Variants in TNF observed in about 807,000 individuals in gnomAD.
The protein encoded by TNF is tumor necrosis factor.
Under a neutral mutation model 21.8 loss-of-function variants are expected in TNF, and 7 were observed. The ratio of observed to expected loss-of-function variants is 0.32; its 90% CI spans 0.18 to 0.60. The LOEUF (loss-of-function observed/expected upper bound fraction) is 0.60, where lower values mean the gene tolerates loss of function less well. Ranked by LOEUF, TNF falls within the 20% of genes least tolerant of loss-of-function variation. The probability of loss-of-function intolerance (pLI) is 0.84; values close to 1 mark genes in which losing one functional copy is unlikely to be tolerated. For missense variants in TNF, 216 were observed against 296.6 expected, an observed-to-expected ratio of 0.73 and a Z score of 2.00; for synonymous variants, 123 against 130.2, an observed-to-expected ratio of 0.94 and a Z score of 0.38.
At position 31,577,567 on chromosome 6, in the gene TNF, C is replaced by A; in HGVS notation, c.*30C>A. The stretch of plus-strand genomic sequence containing the variant: ...GACGAACATCCAACCTTCCCAAACG[C>A]CTCCCCTGCCCCAATCCCTTTATTA... On this transcript the variant is annotated 3_prime_UTR_variant, in exon 4 of 4. Coordinates refer to ENST00000449264, the MANE Select transcript of TNF (RefSeq NM_000594.4). The surrounding 1 kb of genome is among the most constrained non-coding windows in gnomAD (Gnocchi z 7.7). 6.2e-7 allele frequency: 1 copy of A among 1,612,460 alleles called. No individual in the cohort carries two copies. The highest frequency in any genetic ancestry group is 8.5e-7 in the Non-Finnish European group (1 of 1,179,612).
chr6:31,575,758 T>A lies in TNF; in HGVS notation c.17T>A (p.Met6Lys), dbSNP rs2150388461. Residue 6 changes from methionine (M) to lysine (K), a missense_variant, in exon 1 of 4, where the codon ATG (methionine) becomes AAG (lysine). Transcript: ENST00000449264. This position sits in a 1 kb window ranked among gnomAD's most constrained non-coding sequence, Gnocchi z 6.2. Reference sequence around the variant, plus strand: ...AAGGACACCATGAGCACTGAAAGCATGATCCGGGACGTGGAGCTGGCCGAG... The same window carrying A: ...AAGGACACCATGAGCACTGAAAGCAAGATCCGGGACGTGGAGCTGGCCGAG... MSTESMIRDVELAEEA... is the reference protein window; with the variant it reads MSTESKIRDVELAEEA... The A allele has an allele frequency of 6.3e-7, 1 of 1,598,938 alleles. No individual in the cohort carries two copies. Among genetic ancestry groups the A allele is most frequent in the Non-Finnish European group, 8.5e-7 (1 of 1,172,720 alleles).
intron 3 of TNF, 150 bp from the exon 4 acceptor site, chr6:31,576,966 A>G: frequency 1.5e-6 from 2 of 1,340,000 alleles, no homozygotes; most frequent in Non-Finnish European, 2.1e-6. Context: ...TTAGTGGGAT[A>G]CTCAGAACGT....
At position 31,575,999 on chromosome 6, in the gene TNF, T is replaced by C; in HGVS notation, c.186+72T>C. ...TGGAGACGCAAGAGAGGGAGAGAGATGGGATGGGTGAAAGATGTGCGCTGA... is the reference window on the plus strand; with the variant it reads ...TGGAGACGCAAGAGAGGGAGAGAGACGGGATGGGTGAAAGATGTGCGCTGA... On this transcript the variant is annotated intron_variant, in intron 1 of 3. Transcript: ENST00000449264. The surrounding 1 kb of genome is among the most constrained non-coding windows in gnomAD (Gnocchi z 6.2). 1.4e-6 allele frequency: 2 copies of C among 1,384,752 alleles called. No homozygotes were observed. Among genetic ancestry groups the C allele is most frequent in the Non-Finnish European group, 1.9e-6 (2 of 1,054,214 alleles). 85.8% of individuals were successfully genotyped at this position (1,384,752 alleles called of 1,614,324 possible). A position where few individuals can be genotyped will look rare whatever the true frequency, so the allele number is the denominator to read the frequency against.
rs557263022 is a variant in TNF at position 31,577,566 on chromosome 6, G to C, written c.*29G>C. On this transcript the variant is annotated 3_prime_UTR_variant, in exon 4 of 4. Transcript: ENST00000449264. This position sits in a 1 kb window ranked among gnomAD's most constrained non-coding sequence, Gnocchi z 7.7. Reference sequence around the variant, plus strand: ...GGACGAACATCCAACCTTCCCAAACGCCTCCCCTGCCCCAATCCCTTTATT... The same window carrying C: ...GGACGAACATCCAACCTTCCCAAACCCCTCCCCTGCCCCAATCCCTTTATT... 1 of 1,612,322 alleles carries C rather than the reference G, an allele frequency of 6.2e-7. No individual in the cohort carries two copies. The highest frequency in any genetic ancestry group is 1.7e-5 in the Admixed American group (1 of 59,970).
At chr6:31,576,506 T>C (rs756466639) in intron 1 of TNF, 28 bp from the exon 2 acceptor site, 12 of 1,610,674 alleles carry the variant, frequency 7.5e-6, no homozygotes, top group Non-Finnish European at 9.3e-6. Context: ...ACTCCCTCGA[T>C]GTTAACCATT....
In TNF at chr6:31,575,719, C is replaced by T. The variant is rs1159990647; in HGVS notation, c.-23C>T. Reference sequence around the variant, plus strand: ...TCACATACTGACCCACGGCTCCACCCTCTCTCCCCTGGAAAGGACACCATG... The same window carrying T: ...TCACATACTGACCCACGGCTCCACCTTCTCTCCCCTGGAAAGGACACCATG... On this transcript the variant is annotated 5_prime_UTR_variant, in exon 1 of 4. Transcript: ENST00000449264. This position sits in a 1 kb window ranked among gnomAD's most constrained non-coding sequence, Gnocchi z 6.2. 6.5e-7 allele frequency: 1 copy of T among 1,538,412 alleles called. No homozygotes were observed. Among genetic ancestry groups the T allele is most frequent in the Admixed American group, 2.0e-5 (1 of 49,660 alleles).
Position 31,577,568 on chromosome 6 carries a change from C to T in TNF, c.*31C>T. On this transcript the variant is annotated 3_prime_UTR_variant, in exon 4 of 4. Coordinates refer to ENST00000449264, the MANE Select transcript of TNF (RefSeq NM_000594.4). The surrounding 1 kb of genome is among the most constrained non-coding windows in gnomAD (Gnocchi z 7.7). ...ACGAACATCCAACCTTCCCAAACGCCTCCCCTGCCCCAATCCCTTTATTAC... is the reference window on the plus strand; with the variant it reads ...ACGAACATCCAACCTTCCCAAACGCTTCCCCTGCCCCAATCCCTTTATTAC... The T allele has an allele frequency of 6.2e-7, 1 of 1,612,482 alleles. No individual in the cohort carries two copies. Among genetic ancestry groups the T allele is most frequent in the Non-Finnish European group, 8.5e-7 (1 of 1,179,644 alleles).
rs999084577 is a variant in TNF, at chr6:31,575,673, G to T, written c.-69G>T. The T allele has an allele frequency of 4.2e-6, 6 of 1,417,560 alleles. No individual in the cohort carries two copies. The Admixed American group carries it at 7.4e-5, about 17-fold the overall frequency. The allele number at this position is 1,417,560 out of a possible 1,614,324, so 87.8% of individuals were successfully genotyped here. On this transcript the variant is annotated 5_prime_UTR_variant, in exon 1 of 4. Transcript: ENST00000449264. This position sits in a 1 kb window ranked among gnomAD's most constrained non-coding sequence, Gnocchi z 6.2. The stretch of plus-strand genomic sequence containing the variant: ...CAGACGCCACATCCCCTGACAAGCT[G>T]CCAGGCAGGTTCTCTTCCTCTCACA...
rs768947455 is a variant in TNF, at chr6:31,576,523, C to T, written c.187-11C>T. On this transcript the variant is annotated splice_polypyrimidine_tract_variant and intron_variant, in intron 1 of 3. Transcript: ENST00000449264. ...TCCCTCGATGTTAACCATTCTCCTT[C>T]TCCCCAACAGTTCCCCAGGGACCTC... is the stretch of plus-strand genomic sequence containing the variant. The T allele has an allele frequency of 1.5e-5, 24 of 1,613,528 alleles. No homozygotes were observed. The highest frequency in any genetic ancestry group is 1.9e-5 in the Non-Finnish European group (23 of 1,179,854).
rs905841621 is a variant in TNF, at chr6:31,578,309, G to A, written c.*772G>A. The stretch of plus-strand genomic sequence containing the variant: ...TGTAATCGCCCTACTATTCAGTGGC[G>A]AGAAATAAAGTTTGCTTAGAAAAGA... On this transcript the variant is annotated 3_prime_UTR_variant, in exon 4 of 4. Transcript: ENST00000449264. The surrounding 1 kb of genome is among the most constrained non-coding windows in gnomAD (Gnocchi z 6.0). 6 of 152,238 alleles carry A rather than the reference G, an allele frequency of 3.9e-5. No individual in the cohort carries two copies. Among genetic ancestry groups the A allele is most frequent in the African/African-American group, 1.4e-4 (6 of 41,456 alleles). The allele number at this position is 152,238 out of a possible 1,614,324, so 9.4% of individuals were successfully genotyped here.
In TNF at chr6:31,577,188, A is replaced by G; in HGVS notation, c.353A>G (p.Glu118Gly). ...AATGCCCTCCTGGCCAATGGCGTGG[A>G]GCTGAGAGATAACCAGCTGGTGGTG... is the stretch of plus-strand genomic sequence containing the variant. ...RANALLANGVELRDNQLVVPS... is the reference protein window; with the variant it reads ...RANALLANGVGLRDNQLVVPS... The change falls in exon 4 of 4, where the codon GAG (glutamate) becomes GGG (glycine). Residue 118 changes from glutamate (E) to glycine (G), a missense_variant. Physicochemically the swap from Glu to Gly is moderately conservative, Grantham distance 98 (BLOSUM62 -2). Transcript: ENST00000449264. The surrounding 1 kb of genome is among the most constrained non-coding windows in gnomAD (Gnocchi z 7.7). The G allele has an allele frequency of 1.2e-6, 2 of 1,613,014 alleles. No individual in the cohort carries two copies. The highest frequency in any genetic ancestry group is 1.7e-6 in the Non-Finnish European group (2 of 1,179,982).
chr6:31,576,982 C>A, intron 3 of TNF, 134 bp from the exon 4 acceptor site: 1 of 1,368,620 alleles, frequency 7.3e-7, no homozygotes, highest in Non-Finnish European at 1.0e-6. Flanking sequence ...AACGTCATGG[C>A]CAGGTGGGAT....
intron 3 of TNF, 72 bp downstream of exon 3, chr6:31,576,886 G>A (rs1771208023): frequency 9.6e-6 from 15 of 1,562,078 alleles, no homozygotes; most frequent in Non-Finnish European, 1.2e-5. Flanking sequence ...GCTGATGGTA[G>A]GCAGAACTTG....
In TNF at chr6:31,577,652, G is replaced by T. The variant is rs1249679170; in HGVS notation, c.*115G>T. 6 of 1,345,252 alleles carry T rather than the reference G, an allele frequency of 4.5e-6. No homozygotes were observed. Among genetic ancestry groups the T allele is most frequent in the Non-Finnish European group, 6.2e-6 (6 of 962,146 alleles). The allele number at this position is 1,345,252 out of a possible 1,614,324, so 83.3% of individuals were successfully genotyped here. On this transcript the variant is annotated 3_prime_UTR_variant, in exon 4 of 4. Coordinates refer to ENST00000449264, the MANE Select transcript of TNF (RefSeq NM_000594.4). The surrounding 1 kb of genome is among the most constrained non-coding windows in gnomAD (Gnocchi z 7.7). Reference sequence around the variant, plus strand: ...TCAAAAAGAGAATTGGGGGCTTAGGGTCGGAACCCAAGCTTAGAACTTTAA... The same window carrying T: ...TCAAAAAGAGAATTGGGGGCTTAGGTTCGGAACCCAAGCTTAGAACTTTAA...
At chr6:31,576,642 G>A in intron 2 of TNF, 63 bp downstream of exon 2, 3 of 1,600,926 alleles carry the variant, frequency 1.9e-6, no homozygotes, top group Non-Finnish European at 2.6e-6. Flanking sequence ...GTTAGTACCG[G>A]TATGGAAGCA....
Position 31,575,810 on chromosome 6 carries a change from G to T in TNF, c.69G>T (p.Gly23=). The change falls in exon 1 of 4, where the codon GGG becomes GGT. Residue 23 remains glycine, a synonymous_variant. Coordinates refer to ENST00000449264, the MANE Select transcript of TNF (RefSeq NM_000594.4). The surrounding 1 kb of genome is among the most constrained non-coding windows in gnomAD (Gnocchi z 6.2). ...AGGCGCTCCCCAAGAAGACAGGGGG[G>T]CCCCAGGGCTCCAGGCGGTGCTTGT... ...AEEALPKKTG[G]PQGSRRCLFL... 6.2e-7 allele frequency: 1 copy of T among 1,611,784 alleles called. No individual in the cohort carries two copies. The highest frequency in any genetic ancestry group is 8.5e-7 in the Non-Finnish European group (1 of 1,178,950).
rs1475847068 is a variant in TNF at position 31,575,935 on chromosome 6, C to T, written c.186+8C>T. The stretch of plus-strand genomic sequence containing the variant: ...GGCCCCCAGAGGGAAGAGGTGAGTG[C>T]CTGGCCAGCCTTCATCCACTCTCCC... On this transcript the variant is annotated splice_region_variant and intron_variant, in intron 1 of 3. Coordinates refer to ENST00000449264, the MANE Select transcript of TNF (RefSeq NM_000594.4). This position sits in a 1 kb window ranked among gnomAD's most constrained non-coding sequence, Gnocchi z 6.2. The T allele has an allele frequency of 6.6e-6, 10 of 1,511,484 alleles. No homozygotes were observed. Among genetic ancestry groups the T allele is most frequent in the Admixed American group, 2.1e-5 (1 of 46,824 alleles). 93.6% of individuals were successfully genotyped at this position (1,511,484 alleles called of 1,614,324 possible).
intron 1 of TNF, among the ~76,000 whole-genome samples, 181 bp from the exon 2 acceptor site, chr6:31,576,353 T>A (rs1771180689): frequency 6.6e-6 from 1 of 151,868 alleles, no homozygotes; most frequent in South Asian, 2.1e-4. Context: ...AGATAGGGTG[T>A]CTGGCACACA....
At chr6:31,576,741 C>A in intron 2 of TNF, 26 bp from the exon 3 acceptor site, 1 of 1,613,060 alleles carries the variant, frequency 6.2e-7, no homozygotes, top group Non-Finnish European at 8.5e-7. Flanking sequence ...AGGGTCTCAG[C>A]TTTTTCTTTT....
Sources: gnomAD v4.1 joint callset for allele counts (sites outside exome capture counted in the v4.1 genomes callset) on GRCh38, gnomAD v4.1.1 for gene constraint, Gnocchi (gnomAD v3.1) non-coding constraint, MANE v1.5 for transcripts, NCBI Gene and HGNC (gene_info 2026-07-23, HGNC 2026-07-21) for gene names.